Variants in EDN1 observed in about 807,000 individuals in gnomAD.
EDN1 encodes endothelin 1.
Under a neutral mutation model 21.7 loss-of-function variants are expected in EDN1, and 11 were observed. The observed-to-expected ratio is 0.51, with a 90% CI of 0.32 to 0.84. The LOEUF (loss-of-function observed/expected upper bound fraction) is 0.84. Ranked by LOEUF, EDN1 falls within the 40% of genes least tolerant of loss-of-function variation. EDN1 has a pLI of 0.03. For missense variants in EDN1, 244 were observed against 262.3 expected, an observed-to-expected ratio of 0.93 and a Z score of 0.48; for synonymous variants, 85 against 90.6, an observed-to-expected ratio of 0.94 and a Z score of 0.35.
the EDN1 span, among the ~76,000 whole-genome samples, chr6:12,281,281 C>T: frequency 1.3e-5 from 2 of 152,198 alleles, no homozygotes; most frequent in African/African-American, 2.4e-5. Flanking sequence ...CTTCCTCTGT[C>T]CTTTGCACAT....
the EDN1 span, among the ~76,000 whole-genome samples, chr6:12,239,172 C>A: frequency 2.0e-5 from 3 of 152,174 alleles, no homozygotes; most frequent in Non-Finnish European, 4.4e-5. Context: ...ATGAGATAAG[C>A]AGCATTGCTT....
At chr6:12,275,937 T>C in the EDN1 span, among the ~76,000 whole-genome samples, 2 of 151,644 alleles carry the variant, frequency 1.3e-5, no homozygotes, top group Non-Finnish European at 2.9e-5. Context: ...CCAAGGTGGG[T>C]GGATCACAAG....
At chr6:12,287,053 G>A (rs181441872), upstream of EDN1, among the ~76,000 whole-genome samples, 296 of 152,062 alleles carry the variant, frequency 1.9e-3, 2 homozygotes, top group African/African-American at 6.9e-3. Flanking sequence ...GGAGGTTGAG[G>A]CTGCAGTGAG....
At chr6:12,287,374 C>G (rs1402200704), upstream of EDN1, among the ~76,000 whole-genome samples, 1 of 151,980 alleles carries the variant, frequency 6.6e-6, no homozygotes, top group African/African-American at 2.4e-5. Flanking sequence ...CTCTGTCTAG[C>G]AGTGCCTTAA....
chr6:12,272,843 A>T, the EDN1 span, among the ~76,000 whole-genome samples: 5 of 152,176 alleles, frequency 3.3e-5, no homozygotes. Flanking sequence ...TACTCCAAAA[A>T]CTCAAAATGG....
At chr6:12,253,781 AG>A in the EDN1 span, among the ~76,000 whole-genome samples, 2 of 152,122 alleles carry the variant, frequency 1.3e-5, no homozygotes, top group African/African-American at 2.4e-5. Context: ...TGCCTCTCTA[AG>A]TGAGGGTATT....
At chr6:12,235,196 T>C in the EDN1 span, among the ~76,000 whole-genome samples, 1 of 152,140 alleles carries the variant, frequency 6.6e-6, no homozygotes, top group Non-Finnish European at 1.5e-5. Context: ...TGGACTTCAC[T>C]AAGAGGTAGA....
At chr6:12,235,304 C>G in the EDN1 span, among the ~76,000 whole-genome samples, 1 of 152,196 alleles carries the variant, frequency 6.6e-6, no homozygotes, top group Non-Finnish European at 1.5e-5. Context: ...GGCTTCCTTC[C>G]TATTCTCCAC....
chr6:12,274,583 G>A, the EDN1 span, among the ~76,000 whole-genome samples: 1 of 152,190 alleles, frequency 6.6e-6, no homozygotes, highest in East Asian at 1.9e-4. Context: ...TGTATTGCCA[G>A]CATCTAGAAC....
upstream of EDN1, among the ~76,000 whole-genome samples, chr6:12,289,175 G>T (rs1034141293): frequency 2.0e-5 from 3 of 152,170 alleles, no homozygotes; most frequent in African/African-American, 4.8e-5. Context: ...AAATTGTTTT[G>T]AAAATGTAAA....
the EDN1 span, among the ~76,000 whole-genome samples, chr6:12,257,903 T>C: frequency 6.6e-6 from 1 of 152,322 alleles, no homozygotes; most frequent in African/African-American, 2.4e-5. Flanking sequence ...CAGGGCGTAT[T>C]ACCCACCAAC....
At chr6:12,295,144 C>T (rs1402819566) in intron 4 of EDN1, among the ~76,000 whole-genome samples, 1 of 152,096 alleles carries the variant, frequency 6.6e-6, no homozygotes, top group African/African-American at 2.4e-5. Context: ...ACTCTCTGAT[C>T]TACCACATGT....
At chr6:12,283,263 A>T in the EDN1 span, among the ~76,000 whole-genome samples, 4 of 152,344 alleles carry the variant, frequency 2.6e-5, 1 homozygote, top group Admixed American at 2.6e-4. Flanking sequence ...AAACATGATT[A>T]TCTGAAGAGA....
the EDN1 span, among the ~76,000 whole-genome samples, chr6:12,284,467 G>A: frequency 3.3e-5 from 5 of 151,708 alleles, no homozygotes; most frequent in East Asian, 9.7e-4. Context: ...AGCCGTGATT[G>A]CACTCCAGCC....
At chr6:12,245,457 T>C in the EDN1 span, among the ~76,000 whole-genome samples, 1 of 152,214 alleles carries the variant, frequency 6.6e-6, no homozygotes, top group Non-Finnish European at 1.5e-5. Flanking sequence ...CCCAGTGACT[T>C]TGGAAATCCC....
chr6:12,287,712 TCA>T (rs66467626), upstream of EDN1, among the ~76,000 whole-genome samples: 8,305 of 102,690 alleles, frequency 0.081, 304 homozygotes, highest in Non-Finnish European at 0.096. Flanking sequence ...TCTCTCTCTC[TCA>T]CACACACACA....
the EDN1 span, among the ~76,000 whole-genome samples, chr6:12,261,609 G>C: frequency 3.3e-5 from 5 of 152,202 alleles, no homozygotes; most frequent in Non-Finnish European, 7.3e-5. Context: ...TTCACACAGG[G>C]GATACAGAAC....
chr6:12,277,198 T>C, the EDN1 span, among the ~76,000 whole-genome samples: 9 of 152,204 alleles, frequency 5.9e-5, no homozygotes, highest in African/African-American at 1.2e-4. Context: ...CATGAGGTTG[T>C]TTGAGCAATC....
the EDN1 span, among the ~76,000 whole-genome samples, chr6:12,277,002 A>G: frequency 1.3e-5 from 2 of 152,174 alleles, no homozygotes; most frequent in Admixed American, 6.5e-5. Context: ...AGGAACAGGG[A>G]CTTTGCTGTA....
Sources: gnomAD v4.1 joint callset for allele counts (sites outside exome capture counted in the v4.1 genomes callset) on GRCh38, gnomAD v4.1.1 for gene constraint, MANE v1.5 for transcripts, NCBI Gene and HGNC (gene_info 2026-07-23, HGNC 2026-07-21) for gene names.